The following LY9 variants were observed in gnomAD, a reference collection of about 807,000 sequenced individuals.
LY9 encodes lymphocyte antigen 9.
A neutral mutation model predicts 64.6 loss-of-function variants in LY9; 59 were observed. The ratio of observed to expected loss-of-function variants is 0.91; its 90% CI spans 0.74 to 1.13. The LOEUF (loss-of-function observed/expected upper bound fraction) is 1.13, where lower values mean the gene tolerates loss of function less well. LY9 is among the 50% of genes most tolerant of loss of function. LY9 has a pLI of 0.00. For missense variants in LY9, 789 were observed against 797.2 expected (o/e 0.99, Z 0.12); for synonymous variants, 281 against 308.5 (o/e 0.91, Z 0.93).
chr1:160,814,966 GC>G, intron 4 of LY9: 1 of 589,104 alleles, frequency 1.7e-6, no homozygotes, highest in Non-Finnish European at 3.0e-6. Context: ...CCGCCAAAGT[GC>G]CCCTGGCTCT....
At chr1:160,806,737 T>A (rs924148967) in intron 2 of LY9, among the ~76,000 whole-genome samples, 1 of 152,246 alleles carries the variant, frequency 6.6e-6, no homozygotes, top group African/African-American at 2.4e-5. Context: ...TGGGAATTGC[T>A]GAGCCTCCTG....
chr1:160,813,738 GTGTTCTGTACAGC>G lies in LY9; in HGVS notation c.560_572del (p.Val187GlyfsTer68), dbSNP rs748510787. 6.2e-7 allele frequency: 1 copy of G among 1,614,196 alleles called. No individual in the cohort carries two copies. Among genetic ancestry groups the G allele is most frequent in the South Asian group, 1.1e-5 (1 of 91,084 alleles). The stretch of plus-strand genomic sequence containing the variant: ...TGCTCCGTGAAGGGGGCAGAGAAAA[GTGTTCTGTACAGC>G]TGGACCCCAAGGGAACCCCATGCTT... On this transcript the variant is annotated frameshift_variant, in exon 3 of 10. Transcript: ENST00000263285. LOFTEE classifies it high-confidence loss of function.
intron 2 of LY9, chr1:160,801,929 C>A (rs757530163): frequency 6.2e-7 from 1 of 1,612,330 alleles, no homozygotes; most frequent in South Asian, 1.1e-5. Flanking sequence ...CCCTCGCCCC[C>A]ACCTGCCACT....
intron 1 of LY9, among the ~76,000 whole-genome samples, chr1:160,797,645 T>C (rs1256437205): frequency 6.6e-6 from 1 of 152,226 alleles, no homozygotes; most frequent in African/African-American, 2.4e-5. Context: ...CTCACTCTTT[T>C]GGTCTGAAAG....
Position 160,814,430 on chromosome 1 carries a change from C to A in LY9, c.741C>A (p.Ala247=), listed in dbSNP as rs758232481. 6.2e-7 allele frequency: 1 copy of A among 1,609,644 alleles called. No individual in the cohort carries two copies. The highest frequency in any genetic ancestry group is 1.7e-5 in the Admixed American group (1 of 59,838). The change falls in exon 4 of 10, where the codon GCC becomes GCA. Residue 247 remains alanine, a synonymous_variant. Transcript: ENST00000263285. ...CATCTGTGACCCCAGATCCAGGAGC[C>A]TCCAGAGGAGGAACAACGGGGGAGA... ...HVGQFCTDPG[A]SRGGTTGETV...
Position 160,813,666 on chromosome 1 carries a change from A to T in LY9, c.485A>T (p.Lys162Met). The change falls in exon 3 of 10, where the codon AAG (lysine) becomes ATG (methionine). Residue 162 changes from lysine to methionine, a missense_variant. Lys to Met is a moderately conservative substitution (Grantham distance 95, BLOSUM62 -1). Transcript: ENST00000263285. ...EQLQEPQVTM[K>M]SVKVSENFSC... is the part of the protein sequence containing the mutation. ...CTGCAGGAGCCCCAAGTCACCATGAAGTCTGTGAAGGTGTCTGAGAACTTC... is the reference window on the plus strand; with the variant it reads ...CTGCAGGAGCCCCAAGTCACCATGATGTCTGTGAAGGTGTCTGAGAACTTC... 3 of 1,614,126 alleles carry T rather than the reference A, an allele frequency of 1.9e-6. No homozygotes were observed. The highest frequency in any genetic ancestry group is 1.1e-5 in the South Asian group (1 of 91,074).
chr1:160,813,425 T>TG, intron 2 of LY9: 1 of 591,284 alleles, frequency 1.7e-6, no homozygotes, highest in South Asian at 2.1e-5. Flanking sequence ...CTATTAGTCA[T>TG]GCTGAGTCAT....
intron 2 of LY9, 35 bp from the exon 3 acceptor site, chr1:160,813,601 G>T (rs1187540534): frequency 1.3e-6 from 2 of 1,595,322 alleles, no homozygotes; most frequent in Admixed American, 1.7e-5. Flanking sequence ...CTGGCAAAAG[G>T]ATCTGAGCAT....
rs1207695729 is a variant in LY9 at position 160,824,230 on chromosome 1, G to A, written c.1880G>A (p.Cys627Tyr). Residue 627 changes from cysteine (C) to tyrosine (Y), a missense_variant, in exon 9 of 10, where the codon TGC becomes TAC. Coordinates refer to ENST00000263285, the MANE Select transcript of LY9 (RefSeq NM_002348.4). ...GAAGAGAGCTCAGCCACAATCTACT[G>A]CTCCATACGGAAACCTCAGGTGGTG... ...QKEESSATIYCSIRKPQVVPP... is the reference protein window; with the variant it reads ...QKEESSATIYYSIRKPQVVPP... 6.2e-7 allele frequency: 1 copy of A among 1,614,034 alleles called. No individual in the cohort carries two copies. Among genetic ancestry groups the A allele is most frequent in the East Asian group, 2.2e-5 (1 of 44,894 alleles).
intron 2 of LY9, among the ~76,000 whole-genome samples, chr1:160,800,572 G>A (rs1666359634): frequency 6.6e-6 from 1 of 151,774 alleles, no homozygotes; most frequent in South Asian, 2.1e-4. Flanking sequence ...ATATATTTAG[G>A]GGGTACAAGT....
chr1:160,823,399 T>A (rs1668627769), intron 7 of LY9, 66 bp from the exon 8 acceptor site: 3 of 1,299,166 alleles, frequency 2.3e-6, no homozygotes, highest in Non-Finnish European at 3.2e-6. Context: ...GGCTGGGGCC[T>A]TGCAGCAAAG....
intron 2 of LY9, chr1:160,809,840 T>C (rs1055390200): frequency 4.6e-5 from 7 of 152,220 alleles, no homozygotes; most frequent in South Asian, 2.1e-4. Context: ...CTTAAATTTA[T>C]ATTTTTCTTA....
chr1:160,814,204 G>T (rs150448520), intron 3 of LY9, among the ~76,000 whole-genome samples: 1 of 152,186 alleles, frequency 6.6e-6, no homozygotes, highest in African/African-American at 2.4e-5. Context: ...CCTCAGAAGG[G>T]CAGAGAGGGG....
intron 2 of LY9, among the ~76,000 whole-genome samples, chr1:160,808,742 T>C (rs1023144770): frequency 3.3e-5 from 5 of 152,226 alleles, no homozygotes; most frequent in African/African-American, 1.2e-4. Context: ...AATATGACTG[T>C]TTGTATACTA....
intron 6 of LY9, among the ~76,000 whole-genome samples, chr1:160,818,782 A>T: frequency 6.6e-6 from 1 of 152,288 alleles, no homozygotes; most frequent in East Asian, 1.9e-4. Flanking sequence ...AGACCCACAC[A>T]TACTAACAGC....
Position 160,824,271 on chromosome 1 carries a change from G to A in LY9, c.1899+22G>A, listed in dbSNP as rs759184745. On this transcript the variant is annotated intron_variant, in intron 9 of 9. Coordinates refer to ENST00000263285, the MANE Select transcript of LY9 (RefSeq NM_002348.4). ...TCAGGTGGTGAGAACTACATTCTCT[G>A]TATCCCAAGGCCCACAGAGTGAGGA... The A allele has an allele frequency of 6.8e-6, 11 of 1,613,766 alleles. No homozygotes were observed. In the Admixed American group the frequency reaches 1.3e-4, roughly 20 times the overall value.
chr1:160,810,389 C>T (rs1045628310), intron 2 of LY9: 1 of 152,212 alleles, frequency 6.6e-6, no homozygotes, highest in Non-Finnish European at 1.5e-5. Context: ...TGGGACCTCT[C>T]TCTTCGGCTT....
At chr1:160,823,336 C>A in intron 7 of LY9, 129 bp from the exon 8 acceptor site, 1 of 634,210 alleles carries the variant, frequency 1.6e-6, no homozygotes, top group Non-Finnish European at 2.7e-6. Context: ...GAAGACAGGA[C>A]AAAACAATCT....
rs762142535 is a variant in LY9, at chr1:160,816,819, T to A, written c.1298T>A (p.Val433Asp). The A allele has an allele frequency of 6.2e-7, 1 of 1,614,232 alleles. No individual in the cohort carries two copies. The highest frequency in any genetic ancestry group is 1.3e-5 in the African/African-American group (1 of 75,052). ...CTCACATGCACAGCCAGCAACCCTG[T>A]CAGCAGGAGTTCCCACCAGTTTCTT... is the stretch of plus-strand genomic sequence containing the variant. ...PNLTCTASNP[V>D]SRSSHQFLSE... The change falls in exon 5 of 10, where the codon GTC (valine) becomes GAC (aspartate). Residue 433 changes from valine to aspartate, a missense_variant. By Grantham distance (152) the Val-to-Asp change is radical. Coordinates refer to ENST00000263285, the MANE Select transcript of LY9 (RefSeq NM_002348.4).
Sources: gnomAD v4.1 joint callset for allele counts (sites outside exome capture counted in the v4.1 genomes callset) on GRCh38, gnomAD v4.1.1 for gene constraint, MANE v1.5 for transcripts, NCBI Gene and HGNC (gene_info 2026-07-23, HGNC 2026-07-21) for gene names.